Variants in PDE11A observed in about 807,000 individuals in gnomAD.
PDE11A encodes dual 3',5'-cyclic-AMP and -GMP phosphodiesterase 11A.
In PDE11A, 100 loss-of-function variants were observed where a neutral mutation model predicts 100.5. The observed-to-expected ratio is 1.00, with a 90% CI of 0.85 to 1.18. The LOEUF is 1.18. PDE11A is among the 50% of genes most tolerant of loss of function. PDE11A has a pLI of 0.00. For missense variants in PDE11A, 1,141 were observed against 1,152.6 expected (o/e 0.99, Z 0.15); for synonymous variants, 381 against 420.8 (o/e 0.91, Z 1.16).
intron 13 of PDE11A, among the ~76,000 whole-genome samples, chr2:177,705,552 G>C (rs2081265923): frequency 1.3e-5 from 2 of 152,174 alleles, no homozygotes; most frequent in African/African-American, 4.8e-5. Context: ...GAAAAGTCAA[G>C]GTGGAAATTT....
At chr2:177,785,706 CT>C (rs2082524668) in intron 9 of PDE11A, among the ~76,000 whole-genome samples, 1 of 152,212 alleles carries the variant, frequency 6.6e-6, no homozygotes, top group African/African-American at 2.4e-5. Context: ...TTCCGACGGG[CT>C]TAAAAAACGG....
At chr2:178,016,123 C>G (rs888055885) in intron 1 of PDE11A, among the ~76,000 whole-genome samples, 1 of 141,812 alleles carries the variant, frequency 7.1e-6, no homozygotes, top group Non-Finnish European at 1.5e-5. Context: ...AGCCATCATG[C>G]CTGGCTAATT....
intron 1 of PDE11A, among the ~76,000 whole-genome samples, chr2:178,024,857 C>T (rs902684465): frequency 2.0e-5 from 3 of 152,136 alleles, no homozygotes; most frequent in Non-Finnish European, 4.4e-5. Flanking sequence ...CACTTATTTT[C>T]CAGAAAATGC....
chr2:177,871,567 T>TATTATC (rs1445532864), intron 5 of PDE11A, among the ~76,000 whole-genome samples: 1 of 139,120 alleles, frequency 7.2e-6, no homozygotes, highest in African/African-American at 2.6e-5. Context: ...TTATTATTAT[T>TATTATC]ATTATTTTAA....
At chr2:177,925,608 C>T (rs896043136) in intron 2 of PDE11A, among the ~76,000 whole-genome samples, 4 of 152,092 alleles carry the variant, frequency 2.6e-5, no homozygotes, top group South Asian at 4.1e-4. Flanking sequence ...TGTTTGAGTT[C>T]ATTGTAGATT....
At chr2:177,778,655 A>C (rs138401120) in intron 9 of PDE11A, among the ~76,000 whole-genome samples, 26 of 152,342 alleles carry the variant, frequency 1.7e-4, no homozygotes, top group Middle Eastern at 3.4e-3. Flanking sequence ...ATGACAAACC[A>C]CAAGGAATGA....
chr2:178,027,389 G>A (rs1469544104), intron 1 of PDE11A, among the ~76,000 whole-genome samples: 2 of 152,140 alleles, frequency 1.3e-5, no homozygotes, highest in Non-Finnish European at 2.9e-5. Context: ...TCCTAAGGGT[G>A]ATGAAATTAC....
chr2:177,676,230 C>G (rs1248117884), intron 16 of PDE11A: 1 of 155,784 alleles, frequency 6.4e-6, no homozygotes. Flanking sequence ...GGGAACAATT[C>G]AAATTGTAGA....
intron 10 of PDE11A, among the ~76,000 whole-genome samples, chr2:177,754,954 T>C (rs939002456): frequency 5.3e-5 from 8 of 152,256 alleles, no homozygotes; most frequent in African/African-American, 1.7e-4. Context: ...TTGGCCTGTC[T>C]GATCTCCTTA....
intron 6 of PDE11A, among the ~76,000 whole-genome samples, chr2:177,827,635 G>C (rs1254289617): frequency 6.6e-6 from 1 of 152,174 alleles, no homozygotes; most frequent in African/African-American, 2.4e-5. Flanking sequence ...TTTTGCATTA[G>C]TGTATTTATT....
rs1255479013 is a variant in PDE11A at position 177,948,307 on chromosome 2, TTAGAAG to T, written c.1072-43126_1072-43121del. Among the ~76,000 whole-genome samples, 4 of 152,180 alleles carry T rather than the reference TTAGAAG, an allele frequency of 2.6e-5. No homozygotes were observed. In the South Asian group the frequency reaches 6.2e-4, roughly 24 times the overall value. ...ATGATTATTGCCTTCAAGCCAAACC[TTAGAAG>T]TAGAATTTTTGGATCAGAGATGAAG... On this transcript the variant is annotated intron_variant, in intron 2 of 19. Coordinates refer to ENST00000286063, the MANE Select transcript of PDE11A (RefSeq NM_016953.4).
At chr2:177,638,234 T>C (rs1051813672) in intron 19 of PDE11A, among the ~76,000 whole-genome samples, 2 of 151,786 alleles carry the variant, frequency 1.3e-5, no homozygotes, top group Non-Finnish European at 2.9e-5. Flanking sequence ...CTCCTGACCT[T>C]GTGATCCACC....
At chr2:177,644,000 G>A (rs771880837) in intron 19 of PDE11A, among the ~76,000 whole-genome samples, 35 of 152,358 alleles carry the variant, frequency 2.3e-4, no homozygotes, top group Non-Finnish European at 4.0e-4. Flanking sequence ...GAGGATGTAC[G>A]GAAATGCCTG....
chr2:177,665,878 A>C (rs982164037), intron 18 of PDE11A, among the ~76,000 whole-genome samples: 36 of 149,300 alleles, frequency 2.4e-4, no homozygotes, highest in Non-Finnish European at 3.0e-5. Context: ...AAAAAAAATT[A>C]TGTTTTCTTT....
Position 178,107,721 on chromosome 2 carries a change from C to CTT in PDE11A, c.-14+531_-14+532dup, listed in dbSNP as rs1159976078. 1.1e-3 allele frequency among the ~76,000 whole-genome samples: 131 copies of CTT among 123,044 alleles called. 1 individual carries two copies. Among genetic ancestry groups the CTT allele is most frequent in the East Asian group, 1.8e-3 (8 of 4,414 alleles). The allele number at this position is 123,044 out of a possible 152,430, so 80.7% of individuals were successfully genotyped here. On this transcript the variant is annotated intron_variant, in intron 1 of 20. Coordinates refer to the PDE11A transcript ENST00000358450. ...TAGGTTTAACAATTCCTTTTTTTTT[C>CTT]TTTTTTTTTTTTTTTTTTGAGACGG...
chr2:177,947,710 G>A (rs1167110885), intron 2 of PDE11A, among the ~76,000 whole-genome samples: 1 of 150,424 alleles, frequency 6.6e-6, no homozygotes, highest in African/African-American at 2.5e-5. Flanking sequence ...CTCCACTATT[G>A]TCCCATGACC....
At chr2:177,957,508 A>AT (rs1188486853) in intron 2 of PDE11A, among the ~76,000 whole-genome samples, 4 of 152,174 alleles carry the variant, frequency 2.6e-5, no homozygotes. Flanking sequence ...TTTTTAAACC[A>AT]TTTTTGTCTG....
intron 10 of PDE11A, among the ~76,000 whole-genome samples, chr2:177,730,842 A>T (rs1299939179): frequency 2.0e-5 from 3 of 152,122 alleles, no homozygotes; most frequent in African/African-American, 7.2e-5. Flanking sequence ...TACTGTGTAC[A>T]GTACAGTAGT....
Position 178,071,974 on chromosome 2 carries a change from CT to C in PDE11A, c.463del (p.Arg155GlyfsTer26), listed in dbSNP as rs754927989. The C allele has an allele frequency of 1.9e-6, 3 of 1,614,068 alleles. No individual in the cohort carries two copies. Among genetic ancestry groups the C allele is most frequent in the Admixed American group, 3.3e-5 (2 of 60,024 alleles). ...GGAGCTTGCCTTCCGGAGAAGTGCC[CT>C]CCGTCGTACACTACTCAGGGGTTCC... Reference protein sequence around the residue: ...AQEPLSSVRRRALLRKASSLP... With the variant: ...AQEPLSSVRRXALLRKASSLP... On this transcript the variant is annotated frameshift_variant, in exon 1 of 20. Transcript: ENST00000286063. LOFTEE classifies it high-confidence loss of function.
Sources: allele counts gnomAD v4.1 joint callset (sites outside exome capture counted in the v4.1 genomes callset), GRCh38; gene constraint gnomAD v4.1.1; transcripts MANE v1.5; gene names NCBI Gene and HGNC (gene_info 2026-07-23, HGNC 2026-07-21).